GLB1: variants seen among roughly 807,000 people sequenced by gnomAD.
GLB1 encodes the protein beta-galactosidase.
A neutral mutation model predicts 74.0 loss-of-function variants in GLB1; 56 were observed. The observed-to-expected ratio is 0.76, with a 90% confidence interval of 0.61 to 0.94. The LOEUF (loss-of-function observed/expected upper bound fraction) is 0.94. Ranked by LOEUF, GLB1 falls within the 40% of genes least tolerant of loss-of-function variation. The probability of loss-of-function intolerance (pLI) is 0.00; values close to 1 mark genes in which losing one functional copy is unlikely to be tolerated. For missense variants in GLB1, 787 were observed against 845.5 expected, an observed-to-expected ratio of 0.93 and a Z score of 0.86; for synonymous variants, 323 against 323.6, an observed-to-expected ratio of 1.00 and a Z score of 0.02.
the GLB1 span, among the ~76,000 whole-genome samples, chr3:32,991,165 C>T: frequency 1.3e-5 from 2 of 152,096 alleles, no homozygotes; most frequent in African/African-American, 2.4e-5. Flanking sequence ...GTGGGGGGTT[C>T]ACACAGTGGA....
intron 1 of GLB1, among the ~76,000 whole-genome samples, chr3:33,076,555 A>G (rs1221846665): frequency 6.6e-6 from 1 of 152,184 alleles, no homozygotes; most frequent in Non-Finnish European, 1.5e-5. Flanking sequence ...AGGCAGAAGG[A>G]GGACATTCCA....
At chr3:33,060,389 T>C (rs190389160) in intron 5 of GLB1, among the ~76,000 whole-genome samples, 2 of 152,336 alleles carry the variant, frequency 1.3e-5, no homozygotes, top group East Asian at 3.9e-4. Context: ...TTTAGATAAA[T>C]GCTAAGAAAA....
chr3:33,082,017 C>T (rs1239882535), intron 1 of GLB1, among the ~76,000 whole-genome samples: 2 of 152,188 alleles, frequency 1.3e-5, no homozygotes, highest in Admixed American at 6.5e-5. Flanking sequence ...TCCTGCATTA[C>T]CACCCCAAGT....
At chr3:32,975,627 G>A in the GLB1 span, among the ~76,000 whole-genome samples, 1 of 152,174 alleles carries the variant, frequency 6.6e-6, no homozygotes. Flanking sequence ...GCGAGAGAAA[G>A]AGCAACAAAT....
chr3:32,973,653 G>A, the GLB1 span, among the ~76,000 whole-genome samples: 5 of 151,778 alleles, frequency 3.3e-5, no homozygotes, highest in Non-Finnish European at 7.4e-5. Flanking sequence ...GCCTAATTGC[G>A]GTTTTGGCCA....
At chr3:33,074,690 C>T (rs544204488) in intron 1 of GLB1, among the ~76,000 whole-genome samples, 7 of 152,202 alleles carry the variant, frequency 4.6e-5, no homozygotes, top group African/African-American at 1.7e-4. Flanking sequence ...GCCAAGAGAA[C>T]CAGGGTTTTA....
chr3:33,015,160 G>C (rs1697189764), intron 14 of GLB1, among the ~76,000 whole-genome samples: 2 of 152,120 alleles, frequency 1.3e-5, no homozygotes, highest in South Asian at 4.1e-4. Flanking sequence ...TCTCAAGATG[G>C]AATCTGGGGA....
chr3:33,097,064 T>C lies in GLB1; in HGVS notation c.22A>G (p.Ile8Val), dbSNP rs374616396. 1.2e-6 allele frequency: 2 copies of C among 1,612,572 alleles called. No individual in the cohort carries two copies. Among genetic ancestry groups the C allele is most frequent in the Non-Finnish European group, 1.7e-6 (2 of 1,179,090 alleles). ...AGCAGAACCAGCAACAGAGGGAGGA[T>C]GCGAACCAGGAACCCCGGCATGACC... MPGFLVR[I>V]LPLLLVLLLL... is the part of the protein sequence containing the mutation. The change falls in exon 1 of 16, where the codon ATC (isoleucine) becomes GTC (valine). Residue 8 changes from isoleucine (I) to valine (V), a missense_variant. Physicochemically the swap from Ile to Val is conservative, Grantham distance 29. Coordinates refer to ENST00000307363, the MANE Select transcript of GLB1 (RefSeq NM_000404.4).
intron 4 of GLB1, among the ~76,000 whole-genome samples, 190 bp from the exon 5 acceptor site, chr3:33,065,747 C>A (rs1575468400): frequency 6.6e-6 from 1 of 152,244 alleles, no homozygotes; most frequent in East Asian, 1.9e-4. Context: ...GCAGGCAGAT[C>A]ACCAGATGTC....
chr3:32,994,572 A>G (rs1696275111), downstream of GLB1, among the ~76,000 whole-genome samples: 1 of 152,142 alleles, frequency 6.6e-6, no homozygotes, highest in African/African-American at 2.4e-5. Context: ...GGCAGTGTAG[A>G]GTTGGATGGG....
intron 10 of GLB1, among the ~76,000 whole-genome samples, chr3:33,040,719 C>A (rs1575438998): frequency 6.6e-6 from 1 of 152,024 alleles, no homozygotes. Context: ...GTCACAGAAA[C>A]AACAAAAGGC....
At chr3:33,087,604 C>T in intron 1 of GLB1, among the ~76,000 whole-genome samples, 1 of 149,130 alleles carries the variant, frequency 6.7e-6, no homozygotes, top group African/African-American at 2.6e-5. Context: ...CACACACACA[C>T]ACACACACAC....
intron 10 of GLB1, chr3:33,038,063 A>G (rs1159539011): frequency 6.9e-6 from 1 of 144,518 alleles, no homozygotes; most frequent in East Asian, 2.3e-4. Flanking sequence ...GATTGGTGAG[A>G]GAGGTAACAA....
intron 4 of GLB1, among the ~76,000 whole-genome samples, chr3:33,066,073 G>A (rs904964496): frequency 6.6e-6 from 1 of 151,902 alleles, no homozygotes; most frequent in Admixed American, 6.6e-5. Context: ...GACTCGACAA[G>A]TACCTTCTGA....
At position 33,093,395 on chromosome 3, in the gene GLB1, T is replaced by C. The variant is rs1295221013; in HGVS notation, c.75+3616A>G. On this transcript the variant is annotated intron_variant, in intron 1 of 15. Coordinates refer to ENST00000307363, the MANE Select transcript of GLB1 (RefSeq NM_000404.4). This position sits in a 1 kb window ranked among gnomAD's most constrained non-coding sequence, Gnocchi z 6.0. ...CTGTGACGAAGTAGGCACCGAGATG[T>C]GAATGAAGCTGGCCCAGAGGAGCGA... is the stretch of plus-strand genomic sequence containing the variant. The C allele has an allele frequency of 6.2e-7, 1 of 1,613,650 alleles. No homozygotes were observed.
the GLB1 span, among the ~76,000 whole-genome samples, chr3:32,981,072 C>A: frequency 5.9e-4 from 52 of 87,998 alleles, no homozygotes; most frequent in African/African-American, 1.6e-3. Flanking sequence ...GCCTGGGCAA[C>A]AAAGCGAGAC....
chr3:33,023,500 T>G (rs77727202), intron 11 of GLB1, among the ~76,000 whole-genome samples: 1 of 151,942 alleles, frequency 6.6e-6, no homozygotes, highest in South Asian at 2.1e-4. Flanking sequence ...TGCTTGAAGA[T>G]AAAAACTTAC....
chr3:33,044,219 ATCAC>A (rs1698651392), intron 10 of GLB1, among the ~76,000 whole-genome samples: 1 of 152,224 alleles, frequency 6.6e-6, no homozygotes, highest in African/African-American at 2.4e-5. Flanking sequence ...AGGGATTGGT[ATCAC>A]AGACTATATT....
chr3:33,049,272 G>A (rs1378609311), intron 9 of GLB1, among the ~76,000 whole-genome samples: 1 of 151,958 alleles, frequency 6.6e-6, no homozygotes, highest in Non-Finnish European at 1.5e-5. Flanking sequence ...AAATATCAGT[G>A]ACCAACCTTG....
Sources: allele counts gnomAD v4.1 joint callset (sites outside exome capture counted in the v4.1 genomes callset), GRCh38; gene constraint gnomAD v4.1.1; non-coding constraint Gnocchi (gnomAD v3.1); transcripts MANE v1.5; gene names NCBI Gene and HGNC (gene_info 2026-07-23, HGNC 2026-07-21).